PRMT8: variants seen among roughly 807,000 people sequenced by gnomAD.
The protein encoded by PRMT8 is protein arginine N-methyltransferase 8.
PRMT8 carries 7 observed loss-of-function variants against 47.1 expected under a neutral mutation model. The observed-to-expected ratio is 0.15, with a 90% CI of 0.08 to 0.28. The LOEUF (loss-of-function observed/expected upper bound fraction) is 0.28, where lower values mean the gene tolerates loss of function less well. Ranked by LOEUF, PRMT8 falls within the 10% of genes least tolerant of loss-of-function variation. The pLI is 1.00. For missense variants in PRMT8, 237 were observed against 505.4 expected (o/e 0.47, Z 5.09); for synonymous variants, 188 against 186.5 (o/e 1.01, Z -0.07).
At chr12:3,445,440 G>A (rs1864846825) in intron 1 of PRMT8, among the ~76,000 whole-genome samples, 1 of 152,202 alleles carries the variant, frequency 6.6e-6, no homozygotes, top group Non-Finnish European at 1.5e-5. Flanking sequence ...TGCCATATCA[G>A]CTACTGCTAA....
chr12:3,568,929 T>C, intron 5 of PRMT8, 81 bp downstream of exon 5: 3 of 1,569,646 alleles, frequency 1.9e-6, no homozygotes, highest in Non-Finnish European at 2.6e-6. Context: ...CTAGGAGGCA[T>C]ACGAAGACTT....
rs543356169 is a variant in PRMT8 at position 3,569,229 on chromosome 12, A to T, written c.625-248A>T. On this transcript the variant is annotated intron_variant, in intron 5 of 9. Coordinates refer to ENST00000382622, the MANE Select transcript of PRMT8 (RefSeq NM_019854.5). The surrounding 1 kb of genome is among the most constrained non-coding windows in gnomAD (Gnocchi z 8.2). ...GTCGTAACATCTCTCACTGCTCCTC[A>T]CTGGATTTACCTTCACCTCACCTCA... Among the ~76,000 whole-genome samples the T allele has an allele frequency of 3.9e-5, 6 of 152,198 alleles. No individual in the cohort carries two copies. The highest frequency in any genetic ancestry group is 7.4e-5 in the Non-Finnish European group (5 of 67,984).
chr12:3,517,994 G>T (rs1865822735), intron 1 of PRMT8, among the ~76,000 whole-genome samples: 1 of 151,872 alleles, frequency 6.6e-6, no homozygotes, highest in Non-Finnish European at 1.5e-5. Context: ...GATGGGTTAT[G>T]CTCTTTGTTG....
At chr12:3,454,647 C>T (rs992235232) in intron 1 of PRMT8, among the ~76,000 whole-genome samples, 5 of 152,042 alleles carry the variant, frequency 3.3e-5, no homozygotes, top group Admixed American at 2.6e-4. Flanking sequence ...TGAAACCACC[C>T]CTATAAACTT....
At chr12:3,547,166 A>T (rs1866340702) in intron 2 of PRMT8, among the ~76,000 whole-genome samples, 1 of 152,234 alleles carries the variant, frequency 6.6e-6, no homozygotes. Context: ...TACTTAATGG[A>T]TATATTATTG....
intron 8 of PRMT8, among the ~76,000 whole-genome samples, chr12:3,586,840 T>C (rs74056245): frequency 6.6e-6 from 1 of 152,180 alleles, no homozygotes; most frequent in African/African-American, 2.4e-5. Context: ...TCACCAAGAC[T>C]CTTTGCTTTC....
intron 1 of PRMT8, among the ~76,000 whole-genome samples, chr12:3,462,445 T>TATAGG (rs1865052210): frequency 6.6e-6 from 1 of 152,026 alleles, no homozygotes; most frequent in Admixed American, 6.5e-5. Context: ...GATGAATGAC[T>TATAGG]TGCTACTCAT....
Position 3,570,672 on chromosome 12 carries a change from C to T in PRMT8, c.712+1108C>T, listed in dbSNP as rs537945521. Among the ~76,000 whole-genome samples, 16 of 152,292 alleles carry T rather than the reference C, an allele frequency of 1.1e-4. No homozygotes were observed. Among genetic ancestry groups the T allele is most frequent in the Admixed American group, 1.3e-4 (2 of 15,306 alleles). On this transcript the variant is annotated intron_variant, in intron 6 of 9. Coordinates refer to ENST00000382622, the MANE Select transcript of PRMT8 (RefSeq NM_019854.5). The surrounding 1 kb of genome is among the most constrained non-coding windows in gnomAD (Gnocchi z 5.5). ...GTCGTTAGTGGCACTGATGAAAACT[C>T]GGCTGGACTCTGCTATGGATGTGTG...
intron 1 of PRMT8, among the ~76,000 whole-genome samples, chr12:3,450,527 C>T (rs1864905267): frequency 6.6e-6 from 1 of 152,166 alleles, no homozygotes. Context: ...GGTCAAATTA[C>T]TATCAGTTTT....
At position 3,421,352 on chromosome 12, in the gene PRMT8, T is replaced by A. The variant is rs113871096; in HGVS notation, c.48+39910T>A. ...GGGTTAGGCACATTCCACGCTAAGGTCTGGGCTTCACTTGGCAGAGCAGCA... is the reference window on the plus strand; with the variant it reads ...GGGTTAGGCACATTCCACGCTAAGGACTGGGCTTCACTTGGCAGAGCAGCA... On this transcript the variant is annotated intron_variant, in intron 1 of 9. Coordinates refer to the PRMT8 transcript ENST00000452611. Among the ~76,000 whole-genome samples the A allele has an allele frequency of 3.2e-3, 481 of 152,208 alleles. 5 individuals carry two copies. The highest frequency in any genetic ancestry group is 0.011 in the African/African-American group (461 of 41,524).
At position 3,551,748 on chromosome 12, in the gene PRMT8, C is replaced by T. The variant is rs576785785; in HGVS notation, c.417+1657C>T. On this transcript the variant is annotated intron_variant, in intron 3 of 9. Transcript: ENST00000382622. ...CACAGTTTCTCCTGTTCCAGACCCC[C>T]TTCCACCCACTGCTGTCCTCCAGTG... 75 of 152,460 alleles carry T rather than the reference C, an allele frequency of 4.9e-4. 1 individual carries two copies. Among genetic ancestry groups the T allele is most frequent in the African/African-American group, 1.8e-3 (73 of 41,578 alleles). 9.4% of individuals were successfully genotyped at this position (152,460 alleles called of 1,614,324 possible). A position where few individuals can be genotyped will look rare whatever the true frequency, so the allele number is the denominator to read the frequency against.
At chr12:3,505,444 T>C (rs1011054725) in intron 1 of PRMT8, among the ~76,000 whole-genome samples, 61 of 152,364 alleles carry the variant, frequency 4.0e-4, no homozygotes, top group African/African-American at 1.4e-3. Flanking sequence ...AGCTGCACAC[T>C]GCACCCACTG....
At position 3,584,209 on chromosome 12, in the gene PRMT8, G is replaced by A. The variant is rs540188627; in HGVS notation, c.979+1001G>A. 7.2e-5 allele frequency among the ~76,000 whole-genome samples: 11 copies of A among 152,300 alleles called. No homozygotes were observed. The East Asian group carries it at 2.1e-3, about 29-fold the overall frequency. On this transcript the variant is annotated intron_variant, in intron 8 of 9. Coordinates refer to ENST00000382622, the MANE Select transcript of PRMT8 (RefSeq NM_019854.5). ...CCACCTTCTCACTGTGTCCTCACGT[G>A]GTCTTTCCTCTGTGCTCATGAGCCC... is the stretch of plus-strand genomic sequence containing the variant.
At chr12:3,547,305 A>G (rs1053230208) in intron 2 of PRMT8, among the ~76,000 whole-genome samples, 3 of 152,154 alleles carry the variant, frequency 2.0e-5, no homozygotes, top group African/African-American at 7.2e-5. Context: ...AAGAAGTAAA[A>G]TTGTCTTTAT....
chr12:3,403,659 A>G (rs1176920271), intron 1 of PRMT8, among the ~76,000 whole-genome samples: 2 of 152,026 alleles, frequency 1.3e-5, no homozygotes, highest in African/African-American at 4.8e-5. Context: ...GCGGCAGATC[A>G]CTTGAGCTCA....
chr12:3,477,175 A>G (rs1183398917), intron 1 of PRMT8, among the ~76,000 whole-genome samples: 3 of 152,266 alleles, frequency 2.0e-5, no homozygotes, highest in Non-Finnish European at 4.4e-5. Flanking sequence ...TTATTTTTAG[A>G]AACCTGTTTC....
chr12:3,496,875 A>C lies in PRMT8; in HGVS notation c.75+5175A>C, dbSNP rs1016854426. 7.3e-5 allele frequency among the ~76,000 whole-genome samples: 11 copies of C among 151,426 alleles called. No homozygotes were observed. In the South Asian group the frequency reaches 1.0e-3, roughly 14 times the overall value. Reference sequence around the variant, plus strand: ...TCCTCCCTCCGCAAACACTGATTTCAGTCCTTAAGTGAGCTCAGGAGAATT... The same window carrying C: ...TCCTCCCTCCGCAAACACTGATTTCCGTCCTTAAGTGAGCTCAGGAGAATT... On this transcript the variant is annotated intron_variant, in intron 1 of 9. Coordinates refer to ENST00000382622, the MANE Select transcript of PRMT8 (RefSeq NM_019854.5).
At chr12:3,419,704 G>A (rs915006638) in intron 1 of PRMT8, among the ~76,000 whole-genome samples, 3 of 151,938 alleles carry the variant, frequency 2.0e-5, no homozygotes, top group Admixed American at 6.6e-5. Context: ...CCTATCCATT[G>A]TACTTCCAAA....
intron 1 of PRMT8, among the ~76,000 whole-genome samples, chr12:3,416,937 C>G (rs1864489431): frequency 6.6e-6 from 1 of 152,140 alleles, no homozygotes; most frequent in Non-Finnish European, 1.5e-5. Context: ...AGAGAACAAA[C>G]AGTATGTGAG....
Sources: allele counts gnomAD v4.1 joint callset (sites outside exome capture counted in the v4.1 genomes callset), GRCh38; gene constraint gnomAD v4.1.1; non-coding constraint Gnocchi (gnomAD v3.1); transcripts MANE v1.5; gene names NCBI Gene and HGNC (gene_info 2026-07-23, HGNC 2026-07-21).